WDR47: variants seen among roughly 807,000 people sequenced by gnomAD.
WDR47 encodes the protein WD repeat-containing protein 47.
In WDR47, 32 loss-of-function variants were observed where a neutral mutation model predicts 97.2. The ratio of observed to expected loss-of-function variants is 0.33; its 90% CI spans 0.25 to 0.44. The LOEUF (loss-of-function observed/expected upper bound fraction) is 0.44, where lower values mean the gene tolerates loss of function less well. WDR47 is among the 20% of genes least tolerant of loss of function. The pLI, the probability that WDR47 is intolerant of heterozygous loss-of-function variation, is 1.00. For synonymous variants in WDR47, 375 were observed against 373.5 expected (o/e 1.00, Z -0.05); for missense variants, 782 against 1,102.3 (o/e 0.71, Z 4.11).
intron 7 of WDR47, among the ~76,000 whole-genome samples, 189 bp downstream of exon 7, chr1:109,002,035 T>C (rs1407937571): frequency 6.6e-6 from 1 of 152,140 alleles, no homozygotes; most frequent in East Asian, 1.9e-4. Context: ...TCTAGTTGCT[T>C]AGGGAATAAG....
At chr1:109,015,106 G>T (rs1661319633) in intron 3 of WDR47, among the ~76,000 whole-genome samples, 1 of 152,132 alleles carries the variant, frequency 6.6e-6, no homozygotes, top group African/African-American at 2.4e-5. Context: ...CCAGGTAAAG[G>T]CAGGAGATGG....
At chr1:108,981,970 C>A in intron 12 of WDR47, 106 bp from the exon 13 acceptor site, 1 of 1,261,506 alleles carries the variant, frequency 7.9e-7, no homozygotes, top group Non-Finnish European at 1.1e-6. Flanking sequence ...TGCCTATAAT[C>A]CCAGCTACTC....
intron 7 of WDR47, among the ~76,000 whole-genome samples, chr1:108,999,468 T>C (rs1031861209): frequency 7.9e-5 from 12 of 151,446 alleles, no homozygotes; most frequent in African/African-American, 2.4e-4. Flanking sequence ...CTTTAGGAGG[T>C]CGAGGCAGGA....
intron 13 of WDR47, among the ~76,000 whole-genome samples, chr1:108,981,106 C>T (rs1158580362): frequency 6.8e-6 from 1 of 146,642 alleles, no homozygotes; most frequent in East Asian, 2.0e-4. Flanking sequence ...CCAGCCTGGG[C>T]GACAGTGTGA....
chr1:109,003,045 G>A (rs532348564), intron 6 of WDR47, among the ~76,000 whole-genome samples: 6 of 152,262 alleles, frequency 3.9e-5, no homozygotes, highest in Non-Finnish European at 5.9e-5. Flanking sequence ...TATGTTTATC[G>A]CAGCACAATT....
rs756214672 is a variant in WDR47 at position 109,004,623 on chromosome 1, T to C, written c.1223A>G (p.Asn408Ser). ...SEKEPANGAQ[N>S]PGPAKQEKNE... ...TTTTTCTTGTTTAGCTGGTCCTGGA[T>C]TCTGTGCTCCATTTGCAGGCTCTTT... is the stretch of plus-strand genomic sequence containing the variant. Residue 408 changes from asparagine to serine, a missense_variant, in exon 6 of 15, where the codon AAT becomes AGT. By Grantham distance (46) the Asn-to-Ser change is conservative. Transcript: ENST00000369962. 1 of 1,613,712 alleles carries C rather than the reference T, an allele frequency of 6.2e-7. No individual in the cohort carries two copies.
At chr1:108,981,561 T>C (rs1658350754) in intron 13 of WDR47, among the ~76,000 whole-genome samples, 172 bp downstream of exon 13, 1 of 152,176 alleles carries the variant, frequency 6.6e-6, no homozygotes, top group African/African-American at 2.4e-5. Flanking sequence ...AATATTATTT[T>C]TACAAATAAG....
intron 1 of WDR47, among the ~76,000 whole-genome samples, chr1:109,034,768 A>C (rs1327191897): frequency 1.3e-5 from 2 of 152,200 alleles, no homozygotes; most frequent in Non-Finnish European, 2.9e-5. Flanking sequence ...ACCAACCAGT[A>C]CCTGGTGCCA....
rs577688121 is a variant in WDR47, at chr1:109,015,610, G to T, written c.243-1685C>A. On this transcript the variant is annotated intron_variant, in intron 3 of 14. Transcript: ENST00000369962. ...CCCAAAGTGCTGGGATTACAGGCGT[G>T]AGCCACCACGCCTGGCCTCAAAAAA... Among the ~76,000 whole-genome samples, 7 of 151,936 alleles carry T rather than the reference G, an allele frequency of 4.6e-5. No homozygotes were observed. The East Asian group carries it at 9.8e-4, about 21-fold the overall frequency.
rs1571263585 is a variant in WDR47, at chr1:109,034,737, T to C, written c.-10+7125A>G. On this transcript the variant is annotated intron_variant, in intron 1 of 14. Coordinates refer to ENST00000369962, the MANE Select transcript of WDR47 (RefSeq NM_001142551.2). ...CCTCACCCCTGGTCTGTGGAAAAAT[T>C]TTCTTCTAGGAAGACAGTAAACCAA... 2.0e-5 allele frequency among the ~76,000 whole-genome samples: 3 copies of C among 152,248 alleles called. No individual in the cohort carries two copies. The East Asian group carries it at 5.8e-4, about 29-fold the overall frequency.
chr1:109,033,716 G>T (rs1662748808), intron 1 of WDR47, among the ~76,000 whole-genome samples: 2 of 152,102 alleles, frequency 1.3e-5, no homozygotes, highest in African/African-American at 2.4e-5. Flanking sequence ...GTCAGGAGAT[G>T]GAGACCATTC....
At chr1:109,018,540 C>T (rs373045424) in intron 2 of WDR47, among the ~76,000 whole-genome samples, 4 of 151,998 alleles carry the variant, frequency 2.6e-5, no homozygotes, top group East Asian at 1.9e-4. Context: ...AGTGGCTGGG[C>T]GCAGTGGCTC....
At chr1:109,020,296 G>GCACGATCTCAGCT (rs931913256) in intron 2 of WDR47, among the ~76,000 whole-genome samples, 1 of 151,224 alleles carries the variant, frequency 6.6e-6, no homozygotes, top group African/African-American at 2.4e-5. Flanking sequence ...GAATGCAGTG[G>GCACGATCTCAGCT]CACGATCTCA....
chr1:108,976,850 T>C (rs975695168), intron 13 of WDR47, among the ~76,000 whole-genome samples: 2 of 152,006 alleles, frequency 1.3e-5, no homozygotes, highest in Admixed American at 6.6e-5. Context: ...GTTCCAGGAA[T>C]TGAAAAGAAA....
In WDR47 at chr1:108,974,719, C is replaced by T; in HGVS notation, c.2434G>A (p.Gly812Ser). Residue 812 changes from glycine to serine, a missense_variant, in exon 14 of 15, where the codon GGT (glycine) becomes AGT (serine). This residue lies in a region of WDR47 where 228 missense variants were observed against 396.7 expected (regional missense o/e 0.57). Transcript: ENST00000369962. ...TCTTGACCTGTGGCTAAGAGACGAC[C>T]ACTGGGATCTACAGCTACAGATGCC... ...AVASVAVDPS[G>S]RLLATGQEDS... 6.2e-7 allele frequency: 1 copy of T among 1,613,312 alleles called. No individual in the cohort carries two copies. The highest frequency in any genetic ancestry group is 8.5e-7 in the Non-Finnish European group (1 of 1,179,600).
At chr1:108,974,266 G>T (rs936554720) in intron 14 of WDR47, among the ~76,000 whole-genome samples, 2 of 152,180 alleles carry the variant, frequency 1.3e-5, no homozygotes, top group Non-Finnish European at 2.9e-5. Context: ...AAGGCGGATG[G>T]ATCACTTGAG....
chr1:108,985,212 C>A (rs1452238965), intron 10 of WDR47, among the ~76,000 whole-genome samples: 1 of 152,200 alleles, frequency 6.6e-6, no homozygotes, highest in Admixed American at 6.5e-5. Flanking sequence ...GAAAGCTCTG[C>A]CTAATTTAGT....
Position 108,983,310 on chromosome 1 carries a change from G to A in WDR47, c.2067C>T (p.Pro689=), listed in dbSNP as rs752653734. The A allele has an allele frequency of 6.2e-7, 1 of 1,612,034 alleles. No homozygotes were observed. The highest frequency in any genetic ancestry group is 1.1e-5 in the South Asian group (1 of 90,758). The change falls in exon 11 of 15, where the codon CCC becomes CCT. Residue 689 remains proline, a synonymous_variant. Transcript: ENST00000369962. ...GSNDKYVKVL[P]FNAETCNATG... Reference sequence around the variant, plus strand: ...TTGCGTTACAAGTCTCTGCATTGAAGGGCAGCACTTTGACGTATTTGTCAT... The same window carrying A: ...TTGCGTTACAAGTCTCTGCATTGAAAGGCAGCACTTTGACGTATTTGTCAT...
intron 5 of WDR47, among the ~76,000 whole-genome samples, chr1:109,008,238 CAG>C (rs1660771711): frequency 6.6e-6 from 1 of 152,010 alleles, no homozygotes; most frequent in East Asian, 1.9e-4. Flanking sequence ...AGCAACTTAA[CAG>C]AAAAGGCTTC....
Sources: gnomAD v4.1 joint callset for allele counts (sites outside exome capture counted in the v4.1 genomes callset) on GRCh38, gnomAD v4.1.1 for gene constraint, gnomAD v4.1.1 regional missense constraint, MANE v1.5 for transcripts, NCBI Gene and HGNC (gene_info 2026-07-23, HGNC 2026-07-21) for gene names.